Variants in JAKMIP3 observed in about 807,000 individuals in gnomAD.
The protein encoded by JAKMIP3 is janus kinase and microtubule-interacting protein 3.
JAKMIP3 carries 58 observed loss-of-function variants against 118.5 expected under a neutral mutation model. The observed-to-expected ratio is 0.49, with a 90% CI of 0.40 to 0.61. JAKMIP3 has a LOEUF of 0.61. JAKMIP3 is among the 20% of genes least tolerant of loss of function. JAKMIP3 has a pLI of 0.00. For missense variants in JAKMIP3, 950 were observed against 1,109.0 expected (o/e 0.86, Z 2.04); for synonymous variants, 486 against 451.2 (o/e 1.08, Z -0.98).
rs1046201269 is a variant in JAKMIP3 at position 132,117,380 on chromosome 10, T to C, written c.439T>C (p.Phe147Leu). ...SEAKEEAKKG[F>L]EVEKVKMQQE... The stretch of plus-strand genomic sequence containing the variant: ...GGCCAAGGAGGAGGCCAAGAAGGGG[T>C]TCGAGGTGGAGAAGGTCAAGATGCA... The change falls in exon 3 of 24, where the codon TTC (phenylalanine) becomes CTC (leucine). Residue 147 changes from phenylalanine (F) to leucine (L), a missense_variant. Coordinates refer to ENST00000684848, the MANE Select transcript of JAKMIP3 (RefSeq NM_001323087.2). The surrounding 1 kb of genome is among the most constrained non-coding windows in gnomAD (Gnocchi z 8.6). The C allele has an allele frequency of 6.8e-6, 11 of 1,613,002 alleles. No homozygotes were observed. The highest frequency in any genetic ancestry group is 8.5e-6 in the Non-Finnish European group (10 of 1,179,686).
chr10:132,128,589 T>C (rs1007484034), intron 3 of JAKMIP3, among the ~76,000 whole-genome samples: 1 of 152,182 alleles, frequency 6.6e-6, no homozygotes, highest in African/African-American at 2.4e-5. Flanking sequence ...TTCTGTTTTA[T>C]TTTTCTATTT....
At chr10:132,154,842 T>C (rs2056815757) in intron 19 of JAKMIP3, among the ~76,000 whole-genome samples, 2 of 124,852 alleles carry the variant, frequency 1.6e-5, no homozygotes, top group South Asian at 2.6e-4. Context: ...GTGATGGTGG[T>C]GGCGGTGGTG....
rs892983347 is a variant in JAKMIP3, at chr10:132,066,028, A to G, written c.-171A>G. Among the ~76,000 whole-genome samples, 1 of 152,192 alleles carries G rather than the reference A, an allele frequency of 6.6e-6. No individual in the cohort carries two copies. The highest frequency in any genetic ancestry group is 1.5e-5 in the Non-Finnish European group (1 of 68,038). ...AAGATTCTCACAGTCGAGCAGAGCGATGGGAGAGAGGAGCAGACAGCGAGC... is the reference window on the plus strand; with the variant it reads ...AAGATTCTCACAGTCGAGCAGAGCGGTGGGAGAGAGGAGCAGACAGCGAGC... On this transcript the variant is annotated 5_prime_UTR_variant, in exon 1 of 24. An upstream start codon of the reference 5' UTR is lost. Transcript: ENST00000684848.
chr10:132,110,636 G>A (rs114674205), intron 2 of JAKMIP3, among the ~76,000 whole-genome samples: 1,757 of 152,374 alleles, frequency 0.012, 37 homozygotes, highest in African/African-American at 0.039. Flanking sequence ...TGGAAAAAGC[G>A]TCTTGGATTT....
chr10:132,110,347 C>G (rs1457375017), intron 2 of JAKMIP3, among the ~76,000 whole-genome samples: 1 of 152,270 alleles, frequency 6.6e-6, no homozygotes, highest in African/African-American at 2.4e-5. Context: ...GCCTTTGCAG[C>G]TCCCAAGGCC....
chr10:132,101,907 G>T lies in JAKMIP3; in HGVS notation c.-137-2765G>T, dbSNP rs534621528. Among the ~76,000 whole-genome samples the T allele has an allele frequency of 3.9e-5, 6 of 152,220 alleles. No homozygotes were observed. The East Asian group carries it at 1.2e-3, about 29-fold the overall frequency. ...TCCCCAGTGGGTTCTTCATCCCCCT[G>T]GAGAGTCCCCTTCATGGGTCCCCAG... On this transcript the variant is annotated intron_variant, in intron 1 of 23. Transcript: ENST00000684848.
chr10:132,136,507 G>C (rs2051811002), intron 6 of JAKMIP3, among the ~76,000 whole-genome samples: 1 of 152,204 alleles, frequency 6.6e-6, no homozygotes, highest in South Asian at 2.1e-4. Context: ...AGCCAGGAGT[G>C]GGGGGCCGTC....
intron 1 of JAKMIP3, among the ~76,000 whole-genome samples, chr10:132,040,389 G>A (rs1445377205): frequency 6.6e-6 from 1 of 152,136 alleles, no homozygotes; most frequent in East Asian, 1.9e-4. Context: ...ACCGAGACAG[G>A]GCCCTCCCCT....
chr10:132,158,629 A>AGCATCCTCCTGTGAGATGCTGTGGGAGGG (rs1564979334), intron 19 of JAKMIP3, among the ~76,000 whole-genome samples: 12 of 135,172 alleles, frequency 8.9e-5, no homozygotes, highest in Non-Finnish European at 1.9e-4. Flanking sequence ...CTGTGGGAGG[A>AGCATCCTCCTGTGAGATGCTGTGGGAGGG]GCATCTTCCT....
chr10:132,139,285 T>C (rs1307076714), intron 9 of JAKMIP3, among the ~76,000 whole-genome samples: 1 of 145,520 alleles, frequency 6.9e-6, no homozygotes, highest in African/African-American at 2.6e-5. Context: ...TGTGAGTGTA[T>C]ATGCATCTGT....
rs1016113353 is a variant in JAKMIP3, at chr10:132,168,695, G to A, written c.*765G>A. On this transcript the variant is annotated 3_prime_UTR_variant, in exon 23 of 24. Coordinates refer to ENST00000684848, the MANE Select transcript of JAKMIP3 (RefSeq NM_001323087.2). ...CCAAGCCGCCAGCTGGGAGCACCGCGGGACTGAGCCAAGGAAGGCGTGGGG... is the reference window on the plus strand; with the variant it reads ...CCAAGCCGCCAGCTGGGAGCACCGCAGGACTGAGCCAAGGAAGGCGTGGGG... The A allele has an allele frequency of 9.7e-6, 3 of 310,758 alleles. No individual in the cohort carries two copies. Among genetic ancestry groups the A allele is most frequent in the African/African-American group, 2.2e-5 (1 of 44,588 alleles). The allele number at this position is 310,758 out of a possible 1,614,324, so 19.3% of individuals were successfully genotyped here.
intron 19 of JAKMIP3, among the ~76,000 whole-genome samples, chr10:132,161,786 GGGGGGTGTCTCTCCCTGTGTGATGCT>G (rs368417360): frequency 5.2e-5 from 5 of 96,650 alleles, no homozygotes; most frequent in South Asian, 4.3e-4. Context: ...GTGTGATGCT[GGGGGGTGTCTCTCCCTGTGTGATGCT>G]GGGGGGGGCC....
At chr10:132,150,844 G>A (rs571342443) in intron 16 of JAKMIP3, among the ~76,000 whole-genome samples, 4 of 149,600 alleles carry the variant, frequency 2.7e-5, no homozygotes, top group East Asian at 3.9e-4. Context: ...TCATTTATCC[G>A]TCCTCCATAA....
intron 2 of JAKMIP3, among the ~76,000 whole-genome samples, chr10:132,107,510 C>T (rs113451613): frequency 0.02 from 3,025 of 152,292 alleles, 98 homozygotes; most frequent in African/African-American, 0.069. Context: ...GCAGAAGGCA[C>T]CGGAGGAAAG....
intron 1 of JAKMIP3, among the ~76,000 whole-genome samples, chr10:132,093,711 T>G (rs1159013885): frequency 2.0e-5 from 3 of 152,136 alleles, no homozygotes; most frequent in African/African-American, 7.2e-5. Flanking sequence ...TCGCCCTGCT[T>G]CGGCTCACGT....
intron 19 of JAKMIP3, among the ~76,000 whole-genome samples, chr10:132,156,960 C>A (rs768614579): frequency 2.0e-5 from 3 of 152,072 alleles, no homozygotes; most frequent in Non-Finnish European, 2.9e-5. Flanking sequence ...TCACTACGTG[C>A]CCAGCACACA....
At chr10:132,116,574 C>A (rs545366104) in intron 2 of JAKMIP3, among the ~76,000 whole-genome samples, 5 of 47,478 alleles carry the variant, frequency 1.1e-4, no homozygotes, top group African/African-American at 9.5e-5. Flanking sequence ...GCATCATGGA[C>A]GCTCCCCCCG....
chr10:132,150,213 C>T (rs1189639254), intron 16 of JAKMIP3, among the ~76,000 whole-genome samples, 172 bp downstream of exon 16: 1 of 151,858 alleles, frequency 6.6e-6, no homozygotes, highest in East Asian at 2.0e-4. Flanking sequence ...CCTCACACTG[C>T]TCCAGGGCCC....
chr10:132,168,283 GCTT>G lies in JAKMIP3; in HGVS notation c.*356_*358del, dbSNP rs375716306. ...TCCCTGCCAAGCAGGGGTGAGAACTGCTTCTGTGCAGAAGCACCAGCCGCGGGT... is the reference window on the plus strand; with the variant it reads ...TCCCTGCCAAGCAGGGGTGAGAACTGCTGTGCAGAAGCACCAGCCGCGGGT... On this transcript the variant is annotated 3_prime_UTR_variant, in exon 23 of 24. Coordinates refer to ENST00000684848, the MANE Select transcript of JAKMIP3 (RefSeq NM_001323087.2). 1.6e-6 allele frequency: 2 copies of G among 1,289,390 alleles called. No homozygotes were observed. Among genetic ancestry groups the G allele is most frequent in the African/African-American group, 3.0e-5 (2 of 65,848 alleles). 79.9% of individuals were successfully genotyped at this position (1,289,390 alleles called of 1,614,324 possible).
Sources: allele counts gnomAD v4.1 joint callset (sites outside exome capture counted in the v4.1 genomes callset), GRCh38; gene constraint gnomAD v4.1.1; non-coding constraint Gnocchi (gnomAD v3.1); transcripts MANE v1.5; gene names NCBI Gene and HGNC (gene_info 2026-07-23, HGNC 2026-07-21).